The following AP4S1 variants were observed in gnomAD, a reference collection of about 807,000 sequenced individuals.
AP4S1 encodes the protein adaptor related protein complex 4 subunit sigma 1, also known as AP-4 complex subunit sigma-1.
Under a neutral mutation model 19.8 loss-of-function variants are expected in AP4S1, and 23 were observed. That is an observed-to-expected ratio of 1.16 (90% CI 0.84 to 1.65). The LOEUF is 1.65. AP4S1 is among the 40% of genes most tolerant of loss of function. AP4S1 has a pLI of 0.00. For missense variants in AP4S1, 166 were observed against 172.8 expected, an observed-to-expected ratio of 0.96 and a Z score of 0.22; for synonymous variants, 46 against 54.1, an observed-to-expected ratio of 0.85 and a Z score of 0.66.
chr14:31,036,656 C>A (rs1884793884), intron 1 of AP4S1, among the ~76,000 whole-genome samples: 1 of 152,194 alleles, frequency 6.6e-6, no homozygotes, highest in Non-Finnish European at 1.5e-5. Context: ...GCTTTAGGCT[C>A]ATTCCCTTGC....
intron 5 of AP4S1, chr14:31,085,139 C>T: frequency 7.9e-7 from 1 of 1,267,764 alleles, no homozygotes; most frequent in Non-Finnish European, 1.0e-6. Context: ...GTCTGCTTCG[C>T]CAGCACCCTT....
At chr14:31,084,524 A>T (rs1469408174) in intron 5 of AP4S1, among the ~76,000 whole-genome samples, 1 of 152,208 alleles carries the variant, frequency 6.6e-6, no homozygotes, top group Non-Finnish European at 1.5e-5. Context: ...TTTAGTGGAA[A>T]CCTCTGGTGC....
At chr14:31,064,492 T>C (rs1359122465) in intron 1 of AP4S1, among the ~76,000 whole-genome samples, 1 of 152,164 alleles carries the variant, frequency 6.6e-6, no homozygotes, top group African/African-American at 2.4e-5. Flanking sequence ...TAGTTAATTT[T>C]TGTATTTTTA....
At chr14:31,088,193 G>A (rs1224291817) in intron 5 of AP4S1, among the ~76,000 whole-genome samples, 2 of 152,112 alleles carry the variant, frequency 1.3e-5, no homozygotes, top group African/African-American at 4.8e-5. Context: ...CACTAGCCTT[G>A]ACCACTTTCC....
At chr14:31,084,908 C>G (rs1354095554) in intron 5 of AP4S1, 2 of 1,614,064 alleles carry the variant, frequency 1.2e-6, no homozygotes, top group Admixed American at 1.7e-5. Flanking sequence ...CACCAATGAA[C>G]AGCACAGTAT....
intron 1 of AP4S1, among the ~76,000 whole-genome samples, chr14:31,030,944 A>G (rs1382252056): frequency 6.6e-6 from 1 of 152,158 alleles, no homozygotes; most frequent in East Asian, 1.9e-4. Context: ...TGCAATTGAT[A>G]TGGTTTGGCT....
At chr14:31,042,905 A>G (rs1205712311) in intron 1 of AP4S1, among the ~76,000 whole-genome samples, 2 of 152,168 alleles carry the variant, frequency 1.3e-5, no homozygotes, top group Non-Finnish European at 2.9e-5. Flanking sequence ...TGAGAGCCAT[A>G]TGAAGCTTTA....
At chr14:31,064,906 A>G (rs1886632042) in intron 1 of AP4S1, among the ~76,000 whole-genome samples, 1 of 152,134 alleles carries the variant, frequency 6.6e-6, no homozygotes. Context: ...GTAAGCTGAG[A>G]TTGCACCACT....
chr14:31,048,274 G>A (rs553570632), intron 1 of AP4S1, among the ~76,000 whole-genome samples: 4 of 150,852 alleles, frequency 2.7e-5, no homozygotes, highest in African/African-American at 9.7e-5. Context: ...TTTGTATTTT[G>A]TATTTTTAGT....
At chr14:31,038,217 A>G (rs1405247381) in intron 1 of AP4S1, among the ~76,000 whole-genome samples, 1 of 152,148 alleles carries the variant, frequency 6.6e-6, no homozygotes, top group African/African-American at 2.4e-5. Context: ...TCAACTTTCT[A>G]AAAGAGAAAA....
chr14:31,026,323 G>T, intron 1 of AP4S1: 2 of 946,154 alleles, frequency 2.1e-6, no homozygotes, highest in Non-Finnish European at 2.9e-6. Context: ...CTGTGTGCCT[G>T]CCGTGGGTCA....
At chr14:31,028,049 C>T (rs1884143236) in intron 1 of AP4S1, among the ~76,000 whole-genome samples, 2 of 152,180 alleles carry the variant, frequency 1.3e-5, no homozygotes, top group African/African-American at 4.8e-5. Context: ...ATCTGCTTTA[C>T]TGTTATTACA....
chr14:31,065,332 G>C (rs1437949468), intron 1 of AP4S1, among the ~76,000 whole-genome samples: 1 of 152,112 alleles, frequency 6.6e-6, no homozygotes, highest in South Asian at 2.1e-4. Flanking sequence ...CCCCTTCTCC[G>C]GGAAGCAGTT....
At chr14:31,058,576 T>TGTGTGTGTGTGTGTG (rs1594668615) in intron 1 of AP4S1, among the ~76,000 whole-genome samples, 3 of 148,298 alleles carry the variant, frequency 2.0e-5, no homozygotes, top group Non-Finnish European at 3.0e-5. Flanking sequence ...TGTGTGTGTG[T>TGTGTGTGTGTGTGTG]TTAGAGATAG....
At chr14:31,031,018 TG>T (rs1275178927) in intron 1 of AP4S1, among the ~76,000 whole-genome samples, 5 of 152,188 alleles carry the variant, frequency 3.3e-5, no homozygotes, top group African/African-American at 1.2e-4. Context: ...GGGAGGTTAT[TG>T]GATCATGGGG....
chr14:31,071,888 C>T (rs1594689829), intron 3 of AP4S1, among the ~76,000 whole-genome samples: 1 of 148,690 alleles, frequency 6.7e-6, no homozygotes, highest in East Asian at 2.1e-4. Context: ...GATATTTTTA[C>T]TTTTATTTAT....
intron 1 of AP4S1, among the ~76,000 whole-genome samples, chr14:31,064,210 C>T (rs1278662683): frequency 6.6e-6 from 1 of 152,120 alleles, no homozygotes; most frequent in Non-Finnish European, 1.5e-5. Flanking sequence ...AACCGCAGCC[C>T]ACCTCTGACA....
intron 3 of AP4S1, among the ~76,000 whole-genome samples, chr14:31,072,475 A>G (rs1280109161): frequency 1.3e-5 from 2 of 152,130 alleles, no homozygotes; most frequent in African/African-American, 4.8e-5. Flanking sequence ...GGGTCAAGCC[A>G]TCCTCCTGCC....
chr14:31,061,790 A>C (rs953247322), intron 1 of AP4S1, among the ~76,000 whole-genome samples: 1 of 151,590 alleles, frequency 6.6e-6, no homozygotes, highest in Non-Finnish European at 1.5e-5. Flanking sequence ...CTACAGGTGC[A>C]TGCCACCACA....
Sources: allele counts gnomAD v4.1 joint callset (sites outside exome capture counted in the v4.1 genomes callset), GRCh38; gene constraint gnomAD v4.1.1; transcripts MANE v1.5; gene names NCBI Gene and HGNC (gene_info 2026-07-23, HGNC 2026-07-21).